MTM1: variants seen among roughly 807,000 people sequenced by gnomAD.
The protein encoded by MTM1 is myotubularin.
Under a neutral mutation model 52.1 loss-of-function variants are expected in MTM1, and 9 were observed. The observed-to-expected ratio is 0.17, with a 90% CI of 0.10 to 0.30. MTM1 has a LOEUF of 0.30. Ranked by LOEUF, MTM1 falls within the 10% of genes least tolerant of loss-of-function variation. MTM1 has a pLI of 1.00. For synonymous variants in MTM1, 136 were observed against 163.8 expected (o/e 0.83, Z 1.29); for missense variants, 277 against 470.7 (o/e 0.59, Z 3.81).
In MTM1 at chrX:150,661,081, GCA is replaced by G. The variant is rs781914684; in HGVS notation, c.1467+600_1467+601del. On this transcript the variant is annotated intron_variant, in intron 13 of 14. Coordinates refer to ENST00000370396, the MANE Select transcript of MTM1 (RefSeq NM_000252.3). The stretch of plus-strand genomic sequence containing the variant: ...CTGTCGCCCAGGCTGGAGTACAGTG[GCA>G]CAATCTTGGCTCACTGCAACCTCTG... Among the ~76,000 whole-genome samples the G allele has an allele frequency of 3.5e-3, 389 of 110,969 alleles. 3 individuals carry two copies. The highest frequency in any genetic ancestry group is 0.012 in the African/African-American group (376 of 30,480).
Position 150,659,714 on chromosome X carries a change from T to C in MTM1, c.1311T>C (p.Ile437=), listed in dbSNP as rs782199517. Residue 437 remains isoleucine, a synonymous_variant, in exon 12 of 15, where the codon ATT becomes ATC. Transcript: ENST00000370396. ...ACACCGATGCTGACCGTTCTCCTATTTTTCTCCAGTTTATTGATTGTGTGT... is the reference window on the plus strand; with the variant it reads ...ACACCGATGCTGACCGTTCTCCTATCTTTCTCCAGTTTATTGATTGTGTGT... ...KNHTDADRSP[I]FLQFIDCVWQ... is the part of the protein sequence containing the mutation. 2 of 1,211,070 alleles carry C rather than the reference T, an allele frequency of 1.7e-6. No homozygotes were observed. The highest frequency in any genetic ancestry group is 1.8e-5 in the South Asian group (1 of 56,989).
At chrX:150,663,361 C>T (rs1013840572) in intron 13 of MTM1, 72 bp from the exon 14 acceptor site, 3 of 1,082,752 alleles carry the variant, frequency 2.8e-6, no homozygotes, top group Non-Finnish European at 3.8e-6. Flanking sequence ...TTGCTACAGG[C>T]TGCAAAATGG....
chrX:150,584,729 C>T (rs1030719555), intron 1 of MTM1, among the ~76,000 whole-genome samples: 8 of 110,886 alleles, frequency 7.2e-5, no homozygotes, highest in South Asian at 7.6e-4. Context: ...CCAGGACTCC[C>T]GAGGATACCA....
intron 5 of MTM1, among the ~76,000 whole-genome samples, chrX:150,614,945 G>A (rs1217976313): frequency 9.0e-6 from 1 of 111,356 alleles, no homozygotes; most frequent in Non-Finnish European, 1.9e-5. Flanking sequence ...GCTTGACTGA[G>A]TGGGAAGAGA....
At chrX:150,620,983 T>C (rs2019153) in intron 6 of MTM1, among the ~76,000 whole-genome samples, 2 of 108,040 alleles carry the variant, frequency 1.9e-5, no homozygotes, top group African/African-American at 6.7e-5. Flanking sequence ...CTGGGTGTAG[T>C]GCTGGGCACC....
chrX:150,668,641 G>A (rs2040343037), intron 14 of MTM1, among the ~76,000 whole-genome samples: 1 of 111,152 alleles, frequency 9.0e-6, no homozygotes, highest in Admixed American at 9.6e-5. Flanking sequence ...GGAGTTCGAG[G>A]TTACAGTGTT....
chrX:150,658,195 GAT>G (rs782097759), intron 11 of MTM1, among the ~76,000 whole-genome samples, 168 bp downstream of exon 11: 3 of 112,184 alleles, frequency 2.7e-5, no homozygotes, highest in South Asian at 3.7e-4. Flanking sequence ...CTTTTTAAGA[GAT>G]ATGTTTATCC....
chrX:150,666,832 C>T (rs1557414955), intron 14 of MTM1, among the ~76,000 whole-genome samples: 1 of 111,480 alleles, frequency 9.0e-6, no homozygotes, highest in East Asian at 2.8e-4. Flanking sequence ...TGGTCAGGAA[C>T]CTTAGAGTCA....
chrX:150,580,706 T>C (rs1279575777), intron 1 of MTM1, among the ~76,000 whole-genome samples: 1 of 111,685 alleles, frequency 9.0e-6, no homozygotes, highest in Admixed American at 9.6e-5. Flanking sequence ...AGATAACTAT[T>C]GTCCATACTC....
At chrX:150,585,095 G>A (rs782210481) in intron 1 of MTM1, among the ~76,000 whole-genome samples, 1 of 110,182 alleles carries the variant, frequency 9.1e-6, no homozygotes. Flanking sequence ...GAAAGAGTGT[G>A]TGTGTGTGTA....
chrX:150,647,613 C>CA (rs2039957092), intron 9 of MTM1, among the ~76,000 whole-genome samples: 1 of 111,866 alleles, frequency 8.9e-6, no homozygotes, highest in Non-Finnish European at 1.9e-5. Flanking sequence ...AAAGGAAAAC[C>CA]AAAAAGAATA....
At chrX:150,613,136 T>TA (rs782155099) in intron 4 of MTM1, among the ~76,000 whole-genome samples, 128 of 90,395 alleles carry the variant, frequency 1.4e-3, no homozygotes, top group African/African-American at 2.9e-3. Context: ...ACTTATCTCT[T>TA]AAAAAAAAAA....
intron 5 of MTM1, among the ~76,000 whole-genome samples, chrX:150,615,498 AAAC>A (rs1279684072): frequency 1.8e-5 from 2 of 110,721 alleles, no homozygotes; most frequent in African/African-American, 6.6e-5. Flanking sequence ...AAAAAAAAAA[AAAC>A]AGTCTTAATT....
intron 6 of MTM1, among the ~76,000 whole-genome samples, chrX:150,626,676 C>T (rs1557413432): frequency 1.8e-5 from 2 of 111,281 alleles, no homozygotes; most frequent in African/African-American, 3.3e-5. Flanking sequence ...CAATTTTAAA[C>T]GAGGCTTAAA....
intron 6 of MTM1, among the ~76,000 whole-genome samples, chrX:150,626,464 C>A (rs782506112): frequency 4.2e-4 from 47 of 110,597 alleles, no homozygotes; most frequent in African/African-American, 1.5e-3. Context: ...CAGGTGCTCA[C>A]CACCACGCCC....
intron 3 of MTM1, chrX:150,596,916 A>C: frequency 5.5e-6 from 1 of 181,906 alleles, no homozygotes; most frequent in Non-Finnish European, 1.0e-5. Context: ...TGCATGCTTT[A>C]AAATGATAAA....
chrX:150,629,760 G>T (rs1314712601), intron 6 of MTM1, among the ~76,000 whole-genome samples: 1 of 111,252 alleles, frequency 9.0e-6, no homozygotes, highest in Non-Finnish European at 1.9e-5. Flanking sequence ...ACTGTAAAAG[G>T]GTATACAGGA....
chrX:150,592,510 T>C (rs2038902415), intron 1 of MTM1, 95 bp from the exon 2 acceptor site: 1 of 641,306 alleles, frequency 1.6e-6, no homozygotes, highest in Admixed American at 2.3e-5. Context: ...AGTAGTACCG[T>C]TTGCTCTCAG....
At chrX:150,595,824 G>A (rs901273301) in intron 2 of MTM1, among the ~76,000 whole-genome samples, 3 of 112,440 alleles carry the variant, frequency 2.7e-5, no homozygotes, top group Admixed American at 1.9e-4. Flanking sequence ...TGAGGCACAT[G>A]CTTGGGAATA....
Sources: gnomAD v4.1 joint callset for allele counts (sites outside exome capture counted in the v4.1 genomes callset) on GRCh38, gnomAD v4.1.1 for gene constraint, MANE v1.5 for transcripts, NCBI Gene and HGNC (gene_info 2026-07-23, HGNC 2026-07-21) for gene names.